Variants in ZBTB20 observed in about 807,000 individuals in gnomAD.
The protein encoded by ZBTB20 is zinc finger and BTB domain containing 20.
ZBTB20 carries 9 observed loss-of-function variants against 56.9 expected under a neutral mutation model. That is an observed-to-expected ratio of 0.16 (90% confidence interval 0.10 to 0.28). The LOEUF is 0.28. Among genes scored for constraint, ZBTB20 ranks in the 10% least tolerant of loss-of-function variants. The probability of loss-of-function intolerance (pLI) is 1.00; values close to 1 mark genes in which losing one functional copy is unlikely to be tolerated. For synonymous variants in ZBTB20, 417 were observed against 420.7 expected, an observed-to-expected ratio of 0.99 and a Z score of 0.11; for missense variants, 655 against 1,003.0, an observed-to-expected ratio of 0.65 and a Z score of 4.69.
chr3:114,472,606 G>C (rs1186126824), intron 7 of ZBTB20, among the ~76,000 whole-genome samples: 1 of 152,116 alleles, frequency 6.6e-6, no homozygotes, highest in Non-Finnish European at 1.5e-5. Flanking sequence ...TGCTTCGGAG[G>C]CTGAGGCAGG....
intron 6 of ZBTB20, among the ~76,000 whole-genome samples, chr3:114,535,447 G>A (rs1258547752): frequency 6.6e-6 from 1 of 152,178 alleles, no homozygotes; most frequent in Admixed American, 6.5e-5. Flanking sequence ...CCAGGAAGAA[G>A]TCAAATCCCT....
chr3:114,722,161 C>T (rs1368259661), intron 5 of ZBTB20, among the ~76,000 whole-genome samples: 1 of 152,048 alleles, frequency 6.6e-6, no homozygotes, highest in African/African-American at 2.4e-5. Context: ...AGAGTATGAC[C>T]CAGAGTCAGA....
intron 5 of ZBTB20, among the ~76,000 whole-genome samples, chr3:114,780,236 ATT>A (rs2108771108): frequency 6.6e-6 from 1 of 152,314 alleles, no homozygotes; most frequent in Admixed American, 6.5e-5. Context: ...CCAATCCTTC[ATT>A]TTACAGATGA....
intron 6 of ZBTB20, among the ~76,000 whole-genome samples, chr3:114,659,426 G>T (rs981508029): frequency 1.3e-5 from 2 of 152,090 alleles, no homozygotes; most frequent in African/African-American, 4.8e-5. Flanking sequence ...CTAACTTTCC[G>T]CCCTCTGACA....
chr3:114,745,080 T>C (rs2066926260), intron 5 of ZBTB20, among the ~76,000 whole-genome samples: 1 of 152,186 alleles, frequency 6.6e-6, no homozygotes, highest in Admixed American at 6.6e-5. Flanking sequence ...CATACAGTAA[T>C]ATACCAAAAA....
chr3:115,136,227 G>A (rs1246073544), intron 1 of ZBTB20, among the ~76,000 whole-genome samples: 1 of 152,086 alleles, frequency 6.6e-6, no homozygotes, highest in Non-Finnish European at 1.5e-5. Context: ...CTGTGAGCAT[G>A]TACAAACACG....
rs145203846 is a variant in ZBTB20 at position 114,961,112 on chromosome 3, T to TA, written c.-456+13253dup. Among the ~76,000 whole-genome samples the TA allele has an allele frequency of 4.7e-3, 645 of 137,170 alleles. 3 individuals are homozygous for TA. Among genetic ancestry groups the TA allele is most frequent in the African/African-American group, 7.7e-3 (288 of 37,362 alleles). The allele number at this position is 137,170 out of a possible 152,430, so 90.0% of individuals were successfully genotyped here. ...AGAAATGTGAGTGTCCTTCTACAGG[T>TA]AAAAAAAAAAAAAATACATGATAAC... On this transcript the variant is annotated intron_variant, in intron 3 of 11. Coordinates refer to ENST00000675478, the MANE Select transcript of ZBTB20 (RefSeq NM_001348800.3).
rs1009698573 is a variant in ZBTB20 at position 114,316,665 on chromosome 3, A to G, written c.*22340T>C. The G allele has an allele frequency of 2.4e-6, 1 of 414,630 alleles. No homozygotes were observed. The highest frequency in any genetic ancestry group is 2.2e-5 in the African/African-American group (1 of 46,094). 25.7% of individuals were successfully genotyped at this position (414,630 alleles called of 1,614,324 possible). A position where few individuals can be genotyped will look rare whatever the true frequency, so the allele number is the denominator to read the frequency against. On this transcript the variant is annotated 3_prime_UTR_variant, in exon 12 of 12. Coordinates refer to ENST00000675478, the MANE Select transcript of ZBTB20 (RefSeq NM_001348800.3). ...TATATTTTAAACAGTCTGGAGCTTTAATTTATTTTTTAAAGTGCATTTTCA... is the reference window on the plus strand; with the variant it reads ...TATATTTTAAACAGTCTGGAGCTTTGATTTATTTTTTAAAGTGCATTTTCA...
intron 6 of ZBTB20, among the ~76,000 whole-genome samples, chr3:114,657,438 G>C (rs2060476150): frequency 6.6e-6 from 1 of 152,112 alleles, no homozygotes; most frequent in Admixed American, 6.5e-5. Context: ...AGCTCTTTTA[G>C]CTTTCTAGTT....
At chr3:114,912,582 A>C (rs986798348) in intron 3 of ZBTB20, among the ~76,000 whole-genome samples, 1 of 151,992 alleles carries the variant, frequency 6.6e-6, no homozygotes, top group African/African-American at 2.4e-5. Flanking sequence ...CATCACCTCA[A>C]GCATTTATGC....
intron 1 of ZBTB20, among the ~76,000 whole-genome samples, chr3:115,093,459 T>C (rs551618609): frequency 3.7e-4 from 57 of 152,286 alleles, no homozygotes; most frequent in African/African-American, 1.1e-3. Flanking sequence ...TCAAAATTAC[T>C]ATACAAAAAA....
rs553313224 is a variant in ZBTB20, at chr3:114,615,645, T to C, written c.-295+77883A>G. Among the ~76,000 whole-genome samples, 5 of 152,332 alleles carry C rather than the reference T, an allele frequency of 3.3e-5. No individual in the cohort carries two copies. The East Asian group carries it at 5.8e-4, about 18-fold the overall frequency. On this transcript the variant is annotated intron_variant, in intron 6 of 11. Transcript: ENST00000675478. Reference sequence around the variant, plus strand: ...ATCATTTGATCGTCAATGAATAATATAACTGCGTTTAGCCCTTAAGCCTGT... The same window carrying C: ...ATCATTTGATCGTCAATGAATAATACAACTGCGTTTAGCCCTTAAGCCTGT...
At chr3:115,132,887 T>C (rs987947798) in intron 1 of ZBTB20, among the ~76,000 whole-genome samples, 5 of 152,346 alleles carry the variant, frequency 3.3e-5, no homozygotes, top group African/African-American at 7.2e-5. Flanking sequence ...TTTCCTATTA[T>C]TGAATCATGC....
At chr3:114,970,620 C>A (rs548521643) in intron 3 of ZBTB20, among the ~76,000 whole-genome samples, 2 of 152,180 alleles carry the variant, frequency 1.3e-5, no homozygotes, top group Non-Finnish European at 2.9e-5. Flanking sequence ...TCTACTGGTA[C>A]GTAAGTTATG....
chr3:115,003,405 C>T (rs2079332893), intron 2 of ZBTB20, among the ~76,000 whole-genome samples: 1 of 151,144 alleles, frequency 6.6e-6, no homozygotes, highest in Non-Finnish European at 1.5e-5. Flanking sequence ...CTACTTTCTC[C>T]CCAGGTTTTT....
intron 5 of ZBTB20, among the ~76,000 whole-genome samples, chr3:114,695,379 C>G (rs1440359165): frequency 6.6e-6 from 1 of 151,362 alleles, no homozygotes; most frequent in African/African-American, 2.4e-5. Flanking sequence ...TTGGTTACAA[C>G]AGAAAATGAG....
At chr3:115,126,607 A>G (rs1484773328) in intron 1 of ZBTB20, among the ~76,000 whole-genome samples, 1 of 152,216 alleles carries the variant, frequency 6.6e-6, no homozygotes, top group Non-Finnish European at 1.5e-5. Flanking sequence ...TCTAGCAGAT[A>G]AATACAGCAG....
chr3:114,911,176 CA>C (rs2075522736), intron 3 of ZBTB20, among the ~76,000 whole-genome samples: 1 of 151,802 alleles, frequency 6.6e-6, no homozygotes, highest in Non-Finnish European at 1.5e-5. Flanking sequence ...GGGTTGTGAA[CA>C]CTAGTGACAC....
Position 114,808,239 on chromosome 3 carries a change from T to C in ZBTB20, c.-416-7065A>G, listed in dbSNP as rs1442238834. Among the ~76,000 whole-genome samples, 3 of 152,210 alleles carry C rather than the reference T, an allele frequency of 2.0e-5. No individual in the cohort carries two copies. The East Asian group carries it at 5.8e-4, about 29-fold the overall frequency. ...ATTTTATCCAGCTAATTGCTAACAA[T>C]TGTCCAGTTGCTAACAATTGTCTAA... On this transcript the variant is annotated intron_variant, in intron 4 of 11. Transcript: ENST00000675478.
Sources: allele counts gnomAD v4.1 joint callset (sites outside exome capture counted in the v4.1 genomes callset), GRCh38; gene constraint gnomAD v4.1.1; transcripts MANE v1.5; gene names NCBI Gene and HGNC (gene_info 2026-07-23, HGNC 2026-07-21).